The following C2CD5 variants were observed in gnomAD, a reference collection of about 807,000 sequenced individuals.
C2CD5 encodes C2 domain-containing protein 5.
In C2CD5, 109 loss-of-function variants were observed where a neutral mutation model predicts 130.3. That is an observed-to-expected ratio of 0.84 (90% CI 0.72 to 0.98). The LOEUF (loss-of-function observed/expected upper bound fraction) is 0.98, where lower values mean the gene tolerates loss of function less well. C2CD5 is among the 50% of genes least tolerant of loss of function. C2CD5 has a pLI of 0.00. For synonymous variants in C2CD5, 454 were observed against 429.2 expected (o/e 1.06, Z -0.71); for missense variants, 996 against 1,261.8 (o/e 0.79, Z 3.19).
At chr12:22,472,561 C>T (rs1943209165) in intron 17 of C2CD5, 183 bp downstream of exon 17, 11 of 631,358 alleles carry the variant, frequency 1.7e-5, no homozygotes, top group Non-Finnish European at 2.5e-5. Flanking sequence ...AAATCACTTC[C>T]ACCTAAGTTC....
chr12:22,451,390 G>A (rs1041241563), intron 26 of C2CD5, among the ~76,000 whole-genome samples: 8 of 152,204 alleles, frequency 5.3e-5, no homozygotes, highest in Middle Eastern at 3.4e-3. Flanking sequence ...TGAGGGTCAC[G>A]TGTAAGAATG....
At chr12:22,477,975 G>GT (rs1944099905) in intron 15 of C2CD5, 2 of 254,290 alleles carry the variant, frequency 7.9e-6, no homozygotes, top group African/African-American at 2.3e-5. Flanking sequence ...CATTCTACCA[G>GT]TACTAACAGG....
chr12:22,460,611 C>A (rs1312502897), intron 22 of C2CD5: 1 of 151,972 alleles, frequency 6.6e-6, no homozygotes, highest in Non-Finnish European at 1.5e-5. Flanking sequence ...GAGTTTTCGT[C>A]TTGTTGCCCA....
chr12:22,450,142 C>T (rs781452489), intron 26 of C2CD5, among the ~76,000 whole-genome samples: 2 of 151,938 alleles, frequency 1.3e-5, no homozygotes, highest in Non-Finnish European at 2.9e-5. Flanking sequence ...AAAATGACAA[C>T]GAGACACCAC....
chr12:22,483,938 A>G (rs757425845), intron 13 of C2CD5, among the ~76,000 whole-genome samples: 10 of 152,210 alleles, frequency 6.6e-5, no homozygotes, highest in Non-Finnish European at 1.3e-4. Flanking sequence ...AAAGCTCAAA[A>G]GAAAGTTCCG....
intron 25 of C2CD5, among the ~76,000 whole-genome samples, chr12:22,454,448 ATC>A (rs1342461602): frequency 2.0e-5 from 3 of 152,252 alleles, no homozygotes; most frequent in Admixed American, 1.3e-4. Context: ...TGTTATCTAT[ATC>A]TCTCATTCTG....
chr12:22,510,665 T>C (rs754618102), intron 9 of C2CD5, among the ~76,000 whole-genome samples: 2 of 152,248 alleles, frequency 1.3e-5, no homozygotes, highest in African/African-American at 4.8e-5. Context: ...GTTTACCTTA[T>C]ATCAATGTTT....
Position 22,484,903 on chromosome 12 carries a change from AAAAAAATAAGATATTCTTT to A in C2CD5, c.1359-34_1359-16del. The A allele has an allele frequency of 7.7e-7, 1 of 1,297,386 alleles. No homozygotes were observed. 80.4% of individuals were successfully genotyped at this position (1,297,386 alleles called of 1,614,324 possible). A position where few individuals can be genotyped will look rare whatever the true frequency, so the allele number is the denominator to read the frequency against. The stretch of plus-strand genomic sequence containing the variant: ...TTTCTTCAAGCCTATATAAATAAAT[AAAAAAATAAGATATTCTTT>A]AAAAATGTACCAATTTTTTCAAAAA... On this transcript the variant is annotated splice_polypyrimidine_tract_variant and intron_variant, in intron 12 of 26. Transcript: ENST00000446597.
At chr12:22,536,552 A>G (rs1253121707) in intron 2 of C2CD5, among the ~76,000 whole-genome samples, 1 of 152,186 alleles carries the variant, frequency 6.6e-6, no homozygotes, top group Non-Finnish European at 1.5e-5. Flanking sequence ...GGAGTCGACT[A>G]TATGTACTGT....
chr12:22,539,307 T>G (rs1952120253), intron 2 of C2CD5, among the ~76,000 whole-genome samples: 1 of 152,212 alleles, frequency 6.6e-6, no homozygotes, highest in Non-Finnish European at 1.5e-5. Flanking sequence ...AAACTTCCTC[T>G]CTTGCCTTCT....
chr12:22,542,164 T>C (rs1478275055), intron 2 of C2CD5, among the ~76,000 whole-genome samples: 1 of 152,210 alleles, frequency 6.6e-6, no homozygotes, highest in Admixed American at 6.5e-5. Context: ...ATCTGTCTAG[T>C]CCATCAATAG....
In C2CD5 at chr12:22,473,431, A is replaced by T. The variant is rs537088540; in HGVS notation, c.2044-624T>A. Among the ~76,000 whole-genome samples the T allele has an allele frequency of 2.0e-5, 3 of 152,238 alleles. No homozygotes were observed. The South Asian group carries it at 6.2e-4, about 32-fold the overall frequency. On this transcript the variant is annotated intron_variant, in intron 16 of 26. Transcript: ENST00000446597. Reference sequence around the variant, plus strand: ...ACTTTCACTTCCACTTCACGTGGCTACCCACAGTCACAGCCATACCTCAAC... The same window carrying T: ...ACTTTCACTTCCACTTCACGTGGCTTCCCACAGTCACAGCCATACCTCAAC...
intron 12 of C2CD5, among the ~76,000 whole-genome samples, chr12:22,488,572 A>G (rs1945896074): frequency 6.6e-6 from 1 of 152,162 alleles, no homozygotes; most frequent in South Asian, 2.1e-4. Flanking sequence ...TAGGCTTCCT[A>G]TCAACTTAAG....
In C2CD5 at chr12:22,523,425, C is replaced by G; in HGVS notation, c.800+1G>C. On this transcript the variant is annotated splice_donor_variant, in intron 7 of 26. Coordinates refer to ENST00000446597, the MANE Select transcript of C2CD5 (RefSeq NM_001286176.2). LOFTEE classifies it high-confidence loss of function. ...GAACAATTTCATTGATTCATACTTA[C>G]TCCTTCATTTCTTTGGATGGGGAAT... 6.2e-7 allele frequency: 1 copy of G among 1,607,636 alleles called. No individual in the cohort carries two copies. Among genetic ancestry groups the G allele is most frequent in the Non-Finnish European group, 8.5e-7 (1 of 1,174,252 alleles).
intron 5 of C2CD5, among the ~76,000 whole-genome samples, chr12:22,525,409 T>C (rs1291293698): frequency 6.6e-6 from 1 of 152,190 alleles, no homozygotes; most frequent in Non-Finnish European, 1.5e-5. Flanking sequence ...CTAATAAAAA[T>C]TTCTATAAAT....
intron 16 of C2CD5, 144 bp from the exon 17 acceptor site, chr12:22,472,951 G>A (rs1943276937): frequency 5.0e-6 from 3 of 598,034 alleles, no homozygotes; most frequent in South Asian, 2.2e-5. Context: ...TCTAATATCA[G>A]TAAATTTCTC....
intron 10 of C2CD5, chr12:22,497,523 T>C: frequency 2.2e-6 from 1 of 454,144 alleles, no homozygotes; most frequent in Non-Finnish European, 2.9e-6. Flanking sequence ...TAAAGGTTAA[T>C]ACAATGATAA....
chr12:22,514,056 C>G (rs1949470899), intron 8 of C2CD5, among the ~76,000 whole-genome samples: 1 of 152,012 alleles, frequency 6.6e-6, no homozygotes, highest in African/African-American at 2.4e-5. Context: ...CTTTCCCAAG[C>G]TCTTACATGT....
At position 22,517,973 on chromosome 12, in the gene C2CD5, G is replaced by A. The variant is rs753612442; in HGVS notation, c.952+13C>T. On this transcript the variant is annotated intron_variant, in intron 8 of 26. Transcript: ENST00000446597. ...AAAAAAGAAAAAATAAAAGGTGGGT[G>A]GAAGCGCCTTACCAGTTTTGGGTGT... is the stretch of plus-strand genomic sequence containing the variant. The A allele has an allele frequency of 5.6e-6, 9 of 1,596,010 alleles. No homozygotes were observed. In the Admixed American group the frequency reaches 1.6e-4, roughly 28 times the overall value.
Sources: allele counts gnomAD v4.1 joint callset (sites outside exome capture counted in the v4.1 genomes callset), GRCh38; gene constraint gnomAD v4.1.1; transcripts MANE v1.5; gene names NCBI Gene and HGNC (gene_info 2026-07-23, HGNC 2026-07-21).